Variants in CYTH3 observed in about 807,000 individuals in gnomAD.
CYTH3 encodes the protein cytohesin-3.
A neutral mutation model predicts 55.1 loss-of-function variants in CYTH3; 23 were observed. The ratio of observed to expected loss-of-function variants is 0.42; its 90% CI spans 0.30 to 0.59. The LOEUF is 0.59. Ranked by LOEUF, CYTH3 falls within the 20% of genes least tolerant of loss-of-function variation. The pLI is 0.20. For synonymous variants in CYTH3, 249 were observed against 194.9 expected, an observed-to-expected ratio of 1.28 and a Z score of -2.31; for missense variants, 413 against 524.8, an observed-to-expected ratio of 0.79 and a Z score of 2.08.
intron 1 of CYTH3, among the ~76,000 whole-genome samples, chr7:6,191,527 C>T (rs116342458): frequency 6.0e-5 from 9 of 150,772 alleles, no homozygotes; most frequent in South Asian, 2.1e-4. Flanking sequence ...GAAGGGGAAA[C>T]GCTACACAAT....
chr7:6,259,750 AT>A (rs1408216200), intron 1 of CYTH3, among the ~76,000 whole-genome samples: 7 of 11,850 alleles, frequency 5.9e-4, no homozygotes, highest in African/African-American at 2.2e-3. Flanking sequence ...TATAATATAT[AT>A]ATATATTATA....
chr7:6,238,013 C>A (rs1406955557), intron 1 of CYTH3, among the ~76,000 whole-genome samples: 13 of 152,196 alleles, frequency 8.5e-5, no homozygotes, highest in Admixed American at 3.3e-4. Context: ...GGTAAAGATA[C>A]CAGGGTCCCC....
intron 1 of CYTH3, among the ~76,000 whole-genome samples, chr7:6,233,236 T>C (rs1425446513): frequency 2.6e-5 from 4 of 152,130 alleles, no homozygotes; most frequent in African/African-American, 2.4e-5. Context: ...TATCAGTGTG[T>C]CCAAAAAGGA....
intron 1 of CYTH3, among the ~76,000 whole-genome samples, chr7:6,202,362 C>A (rs960423139): frequency 2.0e-5 from 3 of 152,116 alleles, no homozygotes; most frequent in African/African-American, 7.2e-5. Context: ...GGCCTTCCAG[C>A]TGAATATGAC....
At chr7:6,188,501 G>A (rs1783715424) in intron 2 of CYTH3, among the ~76,000 whole-genome samples, 1 of 152,126 alleles carries the variant, frequency 6.6e-6, no homozygotes, top group African/African-American at 2.4e-5. Flanking sequence ...GCTCGGGTGT[G>A]TTTAGATCGG....
At position 6,198,975 on chromosome 7, in the gene CYTH3, T is replaced by C. The variant is rs532751169; in HGVS notation, c.35-8444A>G. ...TTATTTCTAACAATGCATCAGGCTC[T>C]AAAAGAGAATGAGTCTGTGCAGCAC... On this transcript the variant is annotated intron_variant, in intron 1 of 12. Coordinates refer to ENST00000350796, the MANE Select transcript of CYTH3 (RefSeq NM_004227.4). Among the ~76,000 whole-genome samples the C allele has an allele frequency of 4.9e-4, 74 of 152,358 alleles. 1 individual carries two copies. The highest frequency in any genetic ancestry group is 1.7e-3 in the African/African-American group (69 of 41,580).
chr7:6,248,626 C>G (rs866045501), intron 1 of CYTH3, among the ~76,000 whole-genome samples: 2 of 152,192 alleles, frequency 1.3e-5, no homozygotes, highest in Non-Finnish European at 2.9e-5. Flanking sequence ...AGCTGCTCAT[C>G]AATATCGCTG....
intron 1 of CYTH3, among the ~76,000 whole-genome samples, chr7:6,237,997 G>C (rs1476825856): frequency 1.3e-5 from 2 of 152,168 alleles, no homozygotes. Flanking sequence ...TATAGAGTCA[G>C]CTATAGGTAA....
rs1178202500 is a variant in CYTH3, at chr7:6,166,771, G to T, written c.824-961C>A. 5.3e-5 allele frequency among the ~76,000 whole-genome samples: 8 copies of T among 152,198 alleles called. No individual in the cohort carries two copies. The East Asian group carries it at 1.5e-3, about 29-fold the overall frequency. ...TCTGCAGTCCCTCTGGGACCCTCTG[G>T]CCCCTGCCTCACTCAGTGCTGCCGT... On this transcript the variant is annotated intron_variant, in intron 9 of 12. Coordinates refer to ENST00000350796, the MANE Select transcript of CYTH3 (RefSeq NM_004227.4).
intron 1 of CYTH3, among the ~76,000 whole-genome samples, chr7:6,268,639 A>C (rs1780572085): frequency 1.3e-5 from 2 of 152,192 alleles, no homozygotes; most frequent in Non-Finnish European, 2.9e-5. Flanking sequence ...TCTTGTACCT[A>C]TGTTATCTCA....
Position 6,171,670 on chromosome 7 carries a change from G to T in CYTH3, c.450-356C>A, listed in dbSNP as rs1193179428. 3.8e-6 allele frequency: 1 copy of T among 265,480 alleles called. No homozygotes were observed. Among genetic ancestry groups the T allele is most frequent in the East Asian group, 8.2e-5 (1 of 12,204 alleles). 16.4% of individuals were successfully genotyped at this position (265,480 alleles called of 1,614,324 possible). A position where few individuals can be genotyped will look rare whatever the true frequency, so the allele number is the denominator to read the frequency against. On this transcript the variant is annotated intron_variant, in intron 6 of 12. Coordinates refer to ENST00000350796, the MANE Select transcript of CYTH3 (RefSeq NM_004227.4). The surrounding 1 kb of genome is among the most constrained non-coding windows in gnomAD (Gnocchi z 6.7). The stretch of plus-strand genomic sequence containing the variant: ...ATCACCAGAGCCCTGCCTGTCCCGA[G>T]CTGCCACCAGCCGGTCCTCCTTTCA...
At chr7:6,188,053 G>A (rs1783699940) in intron 2 of CYTH3, among the ~76,000 whole-genome samples, 1 of 152,126 alleles carries the variant, frequency 6.6e-6, no homozygotes, top group Non-Finnish European at 1.5e-5. Context: ...CAAGCCAGGA[G>A]CAGTGGCTCA....
At chr7:6,244,940 C>A (rs901519272) in intron 1 of CYTH3, among the ~76,000 whole-genome samples, 16 of 148,186 alleles carry the variant, frequency 1.1e-4, no homozygotes, top group African/African-American at 3.7e-4. Flanking sequence ...AGTCACCCGC[C>A]ACCACGCCCG....
Position 6,165,745 on chromosome 7 carries a change from C to T in CYTH3, c.889G>A (p.Glu297Lys). ...ILTDNCLYYF[E>K]YTTDKEPRGI... Reference sequence around the variant, plus strand: ...TGGCCCTTACTTACTGTTGTGTATTCAAAGTAATAGAGGCAGTTATCGGTC... The same window carrying T: ...TGGCCCTTACTTACTGTTGTGTATTTAAAGTAATAGAGGCAGTTATCGGTC... The change falls in exon 10 of 13, where the codon GAA becomes AAA. Residue 297 changes from glutamate (E) to lysine (K), a missense_variant. By Grantham distance (56) the Glu-to-Lys change is moderately conservative. Around this residue, in one of 4 missense-constraint regions of CYTH3, gnomAD observed 7 missense variants for 28.4 expected, o/e 0.25. Transcript: ENST00000350796. 1 of 1,614,166 alleles carries T rather than the reference C, an allele frequency of 6.2e-7. No individual in the cohort carries two copies. Among genetic ancestry groups the T allele is most frequent in the Non-Finnish European group, 8.5e-7 (1 of 1,179,994 alleles).
chr7:6,258,468 G>A (rs1445205464), intron 1 of CYTH3, among the ~76,000 whole-genome samples: 2 of 152,140 alleles, frequency 1.3e-5, no homozygotes, highest in Non-Finnish European at 2.9e-5. Flanking sequence ...AAGGAAAGAG[G>A]GATTATCCCA....
At chr7:6,188,118 G>A (rs1783702253) in intron 2 of CYTH3, among the ~76,000 whole-genome samples, 1 of 152,100 alleles carries the variant, frequency 6.6e-6, no homozygotes, top group South Asian at 2.1e-4. Flanking sequence ...CTTGAGATCA[G>A]GAGTTTGAGA....
intron 1 of CYTH3, 65 bp downstream of exon 1, chr7:6,272,409 C>CGGGGGGGG: frequency 5.1e-4 from 613 of 1,210,632 alleles, no homozygotes; most frequent in Non-Finnish European, 5.8e-4. Context: ...GCCGCGCCCT[C>CGGGGGGGG]GACCCCCAGC....
At chr7:6,173,278 C>T (rs1783250480) in intron 6 of CYTH3, among the ~76,000 whole-genome samples, 1 of 152,198 alleles carries the variant, frequency 6.6e-6, no homozygotes, top group Non-Finnish European at 1.5e-5. Context: ...CTCAGGTATC[C>T]ATGCGTTTGG....
chr7:6,172,447 A>G (rs1426825450), intron 6 of CYTH3, among the ~76,000 whole-genome samples: 1 of 151,878 alleles, frequency 6.6e-6, no homozygotes, highest in African/African-American at 2.4e-5. Context: ...CCCACCCCAC[A>G]GCAGTGATGC....
Sources: allele counts gnomAD v4.1 joint callset (sites outside exome capture counted in the v4.1 genomes callset), GRCh38; gene constraint gnomAD v4.1.1; regional missense constraint gnomAD v4.1.1; non-coding constraint Gnocchi (gnomAD v3.1); transcripts MANE v1.5; gene names NCBI Gene and HGNC (gene_info 2026-07-23, HGNC 2026-07-21).